Variants in NEK8 observed in about 807,000 individuals in gnomAD.
The protein encoded by NEK8 is serine/threonine-protein kinase Nek8.
A neutral mutation model predicts 77.2 loss-of-function variants in NEK8; 51 were observed. The ratio of observed to expected loss-of-function variants is 0.66; its 90% CI spans 0.53 to 0.83. The LOEUF (loss-of-function observed/expected upper bound fraction) is 0.83, where lower values mean the gene tolerates loss of function less well. Among genes scored for constraint, NEK8 ranks in the 40% least tolerant of loss-of-function variants. NEK8 has a pLI of 0.00. For synonymous variants in NEK8, 365 were observed against 363.2 expected, an observed-to-expected ratio of 1.00 and a Z score of -0.06; for missense variants, 787 against 909.2, an observed-to-expected ratio of 0.87 and a Z score of 1.73.
rs1306219490 is a variant in NEK8 at position 28,741,512 on chromosome 17, A to G, written c.1991A>G (p.His664Arg). 1 of 1,613,728 alleles carries G rather than the reference A, an allele frequency of 6.2e-7. No individual in the cohort carries two copies. The highest frequency in any genetic ancestry group is 1.1e-5 in the South Asian group (1 of 91,062). The part of the protein sequence containing the change: ...LPRPVQLDET[H>R]PYTVTSVSCC... ...CGGCCAGTGCAGTTGGATGAGACAC[A>G]CCCTTACACGGTGACTTCCGTGTCC... The change falls in exon 14 of 15, where the codon CAC becomes CGC. Residue 664 changes from histidine (H) to arginine (R), a missense_variant. By Grantham distance (29) the His-to-Arg change is conservative. Around this residue, in one of 2 missense-constraint regions of NEK8, gnomAD observed 516 missense variants for 544.0 expected, o/e 0.95. Coordinates refer to ENST00000268766, the MANE Select transcript of NEK8 (RefSeq NM_178170.3). This position sits in a 1 kb window ranked among gnomAD's most constrained non-coding sequence, Gnocchi z 4.5.
At position 28,740,748 on chromosome 17, in the gene NEK8, G is replaced by T; in HGVS notation, c.1569-74G>T. 4 of 1,593,570 alleles carry T rather than the reference G, an allele frequency of 2.5e-6. No individual in the cohort carries two copies. Among genetic ancestry groups the T allele is most frequent in the Non-Finnish European group, 3.4e-6 (4 of 1,163,216 alleles). ...GTGCTATTGGTTCAACCCAGGGTGGGATCTGTCTCCTGGTGCACCAGCTCC... is the reference window on the plus strand; with the variant it reads ...GTGCTATTGGTTCAACCCAGGGTGGTATCTGTCTCCTGGTGCACCAGCTCC... On this transcript the variant is annotated intron_variant, in intron 11 of 14. Transcript: ENST00000268766. The surrounding 1 kb of genome is among the most constrained non-coding windows in gnomAD (Gnocchi z 4.7).
Position 28,735,356 on chromosome 17 carries a change from G to A in NEK8, c.603G>A (p.Arg201=), listed in dbSNP as rs2034353154. Residue 201 remains arginine (R), a synonymous_variant, in exon 4 of 15, where the codon AGG becomes AGA. Coordinates refer to ENST00000268766, the MANE Select transcript of NEK8 (RefSeq NM_178170.3). ...CVLYELASLK[R]AFEAANLPAL... is the part of the protein sequence containing the mutation. Reference sequence around the variant, plus strand: ...TCTACGAGCTGGCCAGCCTCAAGAGGGCTTTCGAGGCTGCGGTGAGTGTAT... The same window carrying A: ...TCTACGAGCTGGCCAGCCTCAAGAGAGCTTTCGAGGCTGCGGTGAGTGTAT... 2 of 1,613,834 alleles carry A rather than the reference G, an allele frequency of 1.2e-6. No homozygotes were observed. Among genetic ancestry groups the A allele is most frequent in the Non-Finnish European group, 1.7e-6 (2 of 1,179,890 alleles).
chr17:28,739,551 C>T (rs1001713071), intron 10 of NEK8, among the ~76,000 whole-genome samples: 4 of 152,158 alleles, frequency 2.6e-5, no homozygotes, highest in South Asian at 2.1e-4. Flanking sequence ...CGGGTTCAAG[C>T]GAATCTCCTG....
At position 28,737,575 on chromosome 17, in the gene NEK8, A is replaced by C. The variant is rs554751764; in HGVS notation, c.827+61A>C. The C allele has an allele frequency of 6.2e-7, 1 of 1,613,216 alleles. No individual in the cohort carries two copies. On this transcript the variant is annotated intron_variant, in intron 5 of 14. Coordinates refer to ENST00000268766, the MANE Select transcript of NEK8 (RefSeq NM_178170.3). The surrounding 1 kb of genome is among the most constrained non-coding windows in gnomAD (Gnocchi z 4.8). ...GGGTGTGGGCACCCAGTGGGAGCAC[A>C]GGAGGTCTGAGGCAGAGGGAAACCT... is the stretch of plus-strand genomic sequence containing the variant.
At position 28,739,281 on chromosome 17, in the gene NEK8, C is replaced by T. The variant is rs928546503; in HGVS notation, c.1417+80C>T. On this transcript the variant is annotated intron_variant, in intron 10 of 14. Transcript: ENST00000268766. ...CCCTTCATACCCACCTTCCACCTCA[C>T]AGCACATTCTCTCTTCCCTCTTTTC... The T allele has an allele frequency of 1.5e-5, 13 of 890,436 alleles. No homozygotes were observed. The East Asian group carries it at 3.1e-4, about 21-fold the overall frequency. The allele number at this position is 890,436 out of a possible 1,614,324, so 55.2% of individuals were successfully genotyped here.
At chr17:28,731,185 T>C (rs1372398359) in intron 1 of NEK8, among the ~76,000 whole-genome samples, 1 of 151,510 alleles carries the variant, frequency 6.6e-6, no homozygotes, top group Non-Finnish European at 1.5e-5. Flanking sequence ...TGCAGTGAGC[T>C]GAGACTGTGC....
intron 9 of NEK8, 50 bp downstream of exon 9, chr17:28,738,797 G>A: frequency 1.4e-6 from 2 of 1,451,338 alleles, no homozygotes; most frequent in African/African-American, 1.4e-5. Context: ...ATGGCGGGGA[G>A]CCCACATCTG....
chr17:28,736,904 G>T (rs1323367562), intron 4 of NEK8, among the ~76,000 whole-genome samples: 3 of 152,196 alleles, frequency 2.0e-5, no homozygotes, highest in Non-Finnish European at 4.4e-5. Flanking sequence ...ATGGTTTTAG[G>T]TCTAACATGT....
chr17:28,735,193 T>G (rs2034351549), intron 3 of NEK8, 47 bp from the exon 4 acceptor site: 1 of 1,612,234 alleles, frequency 6.2e-7, no homozygotes, highest in Admixed American at 1.7e-5. Context: ...ACAGAGCCCC[T>G]GGTCTTCCCT....
At position 28,740,336 on chromosome 17, in the gene NEK8, T is replaced by G. The variant is rs528947668; in HGVS notation, c.1418-127T>G. The G allele has an allele frequency of 2.5e-6, 2 of 797,112 alleles. No homozygotes were observed. The highest frequency in any genetic ancestry group is 2.8e-5 in the South Asian group (2 of 70,528). 49.4% of individuals were successfully genotyped at this position (797,112 alleles called of 1,614,324 possible). The stretch of plus-strand genomic sequence containing the variant: ...GAGGATTTTAACCAGCAGAGGGGCC[T>G]AGGAAAGGCATTTGGGACTGAGAGA... On this transcript the variant is annotated intron_variant, in intron 10 of 14. Transcript: ENST00000268766. This position sits in a 1 kb window ranked among gnomAD's most constrained non-coding sequence, Gnocchi z 4.7.
In NEK8 at chr17:28,737,837, T is replaced by C. The variant is rs1386376455; in HGVS notation, c.908T>C (p.Val303Ala). The change falls in exon 7 of 15, where the codon GTG (valine) becomes GCG (alanine). Residue 303 changes from valine (V) to alanine (A), a missense_variant. Physicochemically the swap from Val to Ala is moderately conservative, Grantham distance 64. Coordinates refer to ENST00000268766, the MANE Select transcript of NEK8 (RefSeq NM_178170.3). This position sits in a 1 kb window ranked among gnomAD's most constrained non-coding sequence, Gnocchi z 4.8. Reference protein sequence around the residue: ...VRCRGIPRGPVRPAIPPPLSS... With the variant: ...VRCRGIPRGPARPAIPPPLSS... ...CCTGCAGGTATCCCCCGGGGACCTG[T>C]GAGGCCAGCCATCCCACCACCACTG... The C allele has an allele frequency of 6.2e-7, 1 of 1,614,036 alleles. No homozygotes were observed. Among genetic ancestry groups the C allele is most frequent in the Non-Finnish European group, 8.5e-7 (1 of 1,179,996 alleles).
At position 28,734,137 on chromosome 17, in the gene NEK8, G is replaced by A. The variant is rs1218642611; in HGVS notation, c.202G>A (p.Glu68Lys). ...LNHPNVIEYY[E>K]NFLEDKALMI... The stretch of plus-strand genomic sequence containing the variant: ...CCACCCCAATGTCATTGAGTACTAC[G>A]AGAACTTCCTGGAAGACAAAGCCCT... The change falls in exon 2 of 15, where the codon GAG becomes AAG. Residue 68 changes from glutamate to lysine, a missense_variant. By Grantham distance (56) the Glu-to-Lys change is moderately conservative (BLOSUM62 1). Coordinates refer to ENST00000268766, the MANE Select transcript of NEK8 (RefSeq NM_178170.3). The A allele has an allele frequency of 1.9e-6, 3 of 1,614,204 alleles. No individual in the cohort carries two copies. The highest frequency in any genetic ancestry group is 2.2e-5 in the East Asian group (1 of 44,886).
intron 4 of NEK8, among the ~76,000 whole-genome samples, chr17:28,735,619 CTT>C (rs772201798): frequency 1.3e-5 from 2 of 151,960 alleles, no homozygotes; most frequent in Non-Finnish European, 2.9e-5. Context: ...AAGAGCAAGA[CTT>C]GAGTTTTCCC....
At position 28,739,206 on chromosome 17, in the gene NEK8, G is replaced by C; in HGVS notation, c.1417+5G>C. 1 of 1,604,820 alleles carries C rather than the reference G, an allele frequency of 6.2e-7. No homozygotes were observed. The highest frequency in any genetic ancestry group is 1.1e-5 in the South Asian group (1 of 90,896). ...CCTGGGGCCGTGGAGACAGCGGTAA[G>C]CTCCAGCCTTTAGGCCCCATCTCAC... On this transcript the variant is annotated splice_donor_5th_base_variant and intron_variant, in intron 10 of 14. Coordinates refer to ENST00000268766, the MANE Select transcript of NEK8 (RefSeq NM_178170.3).
chr17:28,740,402 C>G lies in NEK8; in HGVS notation c.1418-61C>G. On this transcript the variant is annotated intron_variant, in intron 10 of 14. Transcript: ENST00000268766. This position sits in a 1 kb window ranked among gnomAD's most constrained non-coding sequence, Gnocchi z 4.7. ...TGTTCCCTCCCCTCAGTGGGCCCTC[C>G]TCATTCGGGCATCACCCCCACTAAA... 1 of 1,489,872 alleles carries G rather than the reference C, an allele frequency of 6.7e-7. No homozygotes were observed. Among genetic ancestry groups the G allele is most frequent in the Non-Finnish European group, 9.4e-7 (1 of 1,066,946 alleles). The allele number at this position is 1,489,872 out of a possible 1,614,324, so 92.3% of individuals were successfully genotyped here. A position where few individuals can be genotyped will look rare whatever the true frequency, so the allele number is the denominator to read the frequency against.
In NEK8 at chr17:28,738,791, C is replaced by T. The variant is rs769987422; in HGVS notation, c.1299+44C>T. ...TTGGGAAGGGGAAGTCGGGGGATGG[C>T]GGGGAGCCCACATCTGTGAGTTGAC... On this transcript the variant is annotated intron_variant, in intron 9 of 14. Coordinates refer to ENST00000268766, the MANE Select transcript of NEK8 (RefSeq NM_178170.3). 5.8e-5 allele frequency: 85 copies of T among 1,461,810 alleles called. 1 individual carries two copies. The highest frequency in any genetic ancestry group is 3.6e-4 in the South Asian group (32 of 88,026). 90.6% of individuals were successfully genotyped at this position (1,461,810 alleles called of 1,614,324 possible).
At chr17:28,728,958 G>T (rs757726952) in intron 1 of NEK8, 98 bp downstream of exon 1, 84 of 1,152,236 alleles carry the variant, frequency 7.3e-5, no homozygotes, top group Admixed American at 1.0e-4. Context: ...CCGCCCCAAG[G>T]CGTGAGCGCC....
At chr17:28,733,904 G>A in intron 1 of NEK8, 79 bp from the exon 2 acceptor site, 1 of 1,208,926 alleles carries the variant, frequency 8.3e-7, no homozygotes, top group Non-Finnish European at 1.2e-6. Flanking sequence ...AGAGACATCA[G>A]TCACTAGGCT....
intron 4 of NEK8, among the ~76,000 whole-genome samples, chr17:28,736,401 A>C (rs542716477): frequency 2.8e-4 from 42 of 152,284 alleles, no homozygotes; most frequent in Middle Eastern, 3.4e-3. Context: ...ACAGTGTAAA[A>C]GTGTTCCTAT....
Sources: gnomAD v4.1 joint callset for allele counts (sites outside exome capture counted in the v4.1 genomes callset) on GRCh38, gnomAD v4.1.1 for gene constraint, gnomAD v4.1.1 regional missense constraint, Gnocchi (gnomAD v3.1) non-coding constraint, MANE v1.5 for transcripts, NCBI Gene and HGNC (gene_info 2026-07-23, HGNC 2026-07-21) for gene names.